The following ZNF704 variants were observed in gnomAD, a reference collection of about 807,000 sequenced individuals.
ZNF704 encodes glucocorticoid induced gene 1.
A neutral mutation model predicts 44.7 loss-of-function variants in ZNF704; 10 were observed. The observed-to-expected ratio is 0.22, with a 90% CI of 0.14 to 0.38. ZNF704 has a LOEUF of 0.38. Ranked by LOEUF, ZNF704 falls within the 10% of genes least tolerant of loss-of-function variation. The pLI, the probability that ZNF704 is intolerant of heterozygous loss-of-function variation, is 1.00. For synonymous variants in ZNF704, 211 were observed against 207.6 expected, an observed-to-expected ratio of 1.02 and a Z score of -0.14; for missense variants, 390 against 545.5, an observed-to-expected ratio of 0.71 and a Z score of 2.84.
Position 80,709,442 on chromosome 8 carries a change from CAAAAAAAAAAAAAA to C in ZNF704, c.222-16349_222-16336del, listed in dbSNP as rs780264820. The stretch of plus-strand genomic sequence containing the variant: ...TTGGCAACAGTGCGAGACTCCATCT[CAAAAAAAAAAAAAA>C]AAAAAAAAAAAAAAAAAGCAGTAAT... On this transcript the variant is annotated intron_variant, in intron 2 of 8. Coordinates refer to ENST00000327835, the MANE Select transcript of ZNF704 (RefSeq NM_001033723.3). 5.7e-4 allele frequency among the ~76,000 whole-genome samples: 9 copies of C among 15,886 alleles called. 1 individual carries two copies. The East Asian group carries it at 0.019, about 33-fold the overall frequency. The allele number at this position is 15,886 out of a possible 152,430, so 10.4% of individuals were successfully genotyped here.
chr8:80,751,616 T>A (rs989972264), intron 2 of ZNF704, among the ~76,000 whole-genome samples: 4 of 152,230 alleles, frequency 2.6e-5, no homozygotes, highest in African/African-American at 7.2e-5. Flanking sequence ...CAATGGAATC[T>A]AAAAGTACAT....
chr8:80,692,013 C>A (rs1478883357), intron 3 of ZNF704, among the ~76,000 whole-genome samples: 2 of 152,168 alleles, frequency 1.3e-5, no homozygotes, highest in Non-Finnish European at 2.9e-5. Context: ...ACTGTGACCA[C>A]CAAGATCTTT....
chr8:80,773,192 T>C (rs1296732042), intron 2 of ZNF704, among the ~76,000 whole-genome samples: 1 of 152,210 alleles, frequency 6.6e-6, no homozygotes, highest in Non-Finnish European at 1.5e-5. Context: ...TTCACTGTTT[T>C]TTATTTCTGT....
chr8:80,747,042 C>T (rs1185418496), intron 2 of ZNF704, among the ~76,000 whole-genome samples: 1 of 152,074 alleles, frequency 6.6e-6, no homozygotes, highest in East Asian at 1.9e-4. Flanking sequence ...TGCTGTCTTC[C>T]GAATATGTGC....
chr8:80,753,891 G>T (rs1314178888), intron 2 of ZNF704, among the ~76,000 whole-genome samples: 1 of 152,164 alleles, frequency 6.6e-6, no homozygotes, highest in African/African-American at 2.4e-5. Flanking sequence ...CCCCATGAGA[G>T]ATGCTCTCTA....
chr8:80,816,603 G>C (rs750827039), intron 2 of ZNF704, among the ~76,000 whole-genome samples: 3 of 152,138 alleles, frequency 2.0e-5, no homozygotes, highest in Non-Finnish European at 2.9e-5. Context: ...GCCCTTGAGT[G>C]ATTGCTATCC....
intron 3 of ZNF704, among the ~76,000 whole-genome samples, chr8:80,689,681 G>A (rs1818599401): frequency 6.6e-6 from 1 of 152,132 alleles, no homozygotes; most frequent in Admixed American, 6.5e-5. Context: ...TAAGTATGAG[G>A]CACTGAATTT....
intron 1 of ZNF704, among the ~76,000 whole-genome samples, chr8:80,856,001 G>A (rs1051008648): frequency 6.6e-6 from 1 of 152,086 alleles, no homozygotes; most frequent in African/African-American, 2.4e-5. Flanking sequence ...TTTGTCACCT[G>A]GGCTGGAGTG....
chr8:80,762,069 A>C (rs888572094), intron 2 of ZNF704, among the ~76,000 whole-genome samples: 1 of 152,220 alleles, frequency 6.6e-6, no homozygotes, highest in Admixed American at 6.5e-5. Context: ...GCTTATACCC[A>C]ATGTTGTGAT....
chr8:80,818,924 G>A (rs1808219325), intron 2 of ZNF704, among the ~76,000 whole-genome samples: 1 of 152,092 alleles, frequency 6.6e-6, no homozygotes, highest in Admixed American at 6.5e-5. Flanking sequence ...GCAGTAAATG[G>A]AAATAGAGTT....
chr8:80,699,608 T>C (rs1229446580), intron 2 of ZNF704, among the ~76,000 whole-genome samples: 3 of 152,166 alleles, frequency 2.0e-5, no homozygotes, highest in African/African-American at 7.2e-5. Flanking sequence ...AAAAAAACTA[T>C]GGCCTGTGGA....
At chr8:80,735,803 T>C (rs1806655998) in intron 2 of ZNF704, among the ~76,000 whole-genome samples, 1 of 152,218 alleles carries the variant, frequency 6.6e-6, no homozygotes, top group African/African-American at 2.4e-5. Context: ...CAATGTAAAA[T>C]ATGCAGACCT....
rs1288830087 is a variant in ZNF704 at position 80,636,656 on chromosome 8, T to C, written c.*4710A>G. ...GGGCTACTTTCTTAGAGAAATGAAATTTCCAGTTGACCCGTGTGCCCAGGG... is the reference window on the plus strand; with the variant it reads ...GGGCTACTTTCTTAGAGAAATGAAACTTCCAGTTGACCCGTGTGCCCAGGG... On this transcript the variant is annotated 3_prime_UTR_variant, in exon 9 of 9. Transcript: ENST00000327835. The C allele has an allele frequency of 6.6e-6, 1 of 152,220 alleles. No homozygotes were observed. Among genetic ancestry groups the C allele is most frequent in the East Asian group, 1.9e-4 (1 of 5,192 alleles). The allele number at this position is 152,220 out of a possible 1,614,324, so 9.4% of individuals were successfully genotyped here.
At chr8:80,796,203 C>T (rs1340267924) in intron 2 of ZNF704, among the ~76,000 whole-genome samples, 1 of 152,198 alleles carries the variant, frequency 6.6e-6, no homozygotes, top group East Asian at 1.9e-4. Flanking sequence ...AGAGCCACAT[C>T]TGGTGACAGC....
At chr8:80,831,532 T>C (rs1808473100) in intron 1 of ZNF704, among the ~76,000 whole-genome samples, 2 of 152,144 alleles carry the variant, frequency 1.3e-5, no homozygotes, top group South Asian at 4.1e-4. Context: ...ATCTGAAAAA[T>C]CACTCTATGC....
intron 1 of ZNF704, among the ~76,000 whole-genome samples, chr8:80,872,837 T>TTTCC (rs1809276785): frequency 6.6e-6 from 1 of 151,668 alleles, no homozygotes; most frequent in Non-Finnish European, 1.5e-5. Flanking sequence ...CCCACCCCCT[T>TTTCC]TTCCTGGTTT....
At chr8:80,787,905 A>C (rs971154052) in intron 2 of ZNF704, among the ~76,000 whole-genome samples, 2 of 152,208 alleles carry the variant, frequency 1.3e-5, no homozygotes, top group African/African-American at 4.8e-5. Context: ...TTTTCCATCT[A>C]AAATTTGCCT....
At chr8:80,814,416 C>T (rs1277237527) in intron 2 of ZNF704, among the ~76,000 whole-genome samples, 2 of 152,186 alleles carry the variant, frequency 1.3e-5, no homozygotes, top group Non-Finnish European at 2.9e-5. Flanking sequence ...CATGACTATA[C>T]TTGAGTTTTA....
chr8:80,773,573 T>A (rs1277503441), intron 2 of ZNF704, among the ~76,000 whole-genome samples: 1 of 152,210 alleles, frequency 6.6e-6, no homozygotes, highest in Non-Finnish European at 1.5e-5. Context: ...TTTTCTGACA[T>A]TCCAGAGAAC....
Sources: allele counts gnomAD v4.1 joint callset (sites outside exome capture counted in the v4.1 genomes callset), GRCh38; gene constraint gnomAD v4.1.1; transcripts MANE v1.5; gene names NCBI Gene and HGNC (gene_info 2026-07-23, HGNC 2026-07-21).